The following ERBB4 variants were observed in gnomAD, a reference collection of about 807,000 sequenced individuals.
ERBB4 encodes the protein receptor tyrosine-protein kinase erbB-4.
ERBB4 carries 42 observed loss-of-function variants against 158.0 expected under a neutral mutation model. The ratio of observed to expected loss-of-function variants is 0.27; its 90% CI spans 0.21 to 0.34. ERBB4 has a LOEUF of 0.34. Ranked by LOEUF, ERBB4 falls within the 10% of genes least tolerant of loss-of-function variation. The pLI, the probability that ERBB4 is intolerant of heterozygous loss-of-function variation, is 1.00. For synonymous variants in ERBB4, 583 were observed against 558.7 expected (o/e 1.04, Z -0.61); for missense variants, 1,333 against 1,624.1 (o/e 0.82, Z 3.08).
chr2:211,877,236 T>C (rs1394451366), intron 3 of ERBB4, among the ~76,000 whole-genome samples: 3 of 152,186 alleles, frequency 2.0e-5, no homozygotes, highest in Non-Finnish European at 4.4e-5. Flanking sequence ...CGAGTAGCCT[T>C]ATTGGACTAT....
intron 1 of ERBB4, among the ~76,000 whole-genome samples, chr2:212,523,714 G>A (rs534603292): frequency 1.1e-4 from 17 of 151,958 alleles, no homozygotes; most frequent in Admixed American, 2.0e-4. Context: ...AAGATACTTG[G>A]GCACAGTGTG....
At chr2:211,523,988 C>A (rs567214416) in intron 20 of ERBB4, among the ~76,000 whole-genome samples, 1 of 152,016 alleles carries the variant, frequency 6.6e-6, no homozygotes, top group Non-Finnish European at 1.5e-5. Context: ...AATGTTGACA[C>A]AAAGGTTCTC....
intron 1 of ERBB4, among the ~76,000 whole-genome samples, chr2:212,207,124 C>T (rs564178052): frequency 3.3e-5 from 5 of 152,010 alleles, no homozygotes; most frequent in Non-Finnish European, 7.4e-5. Context: ...GAAAAGCCAT[C>T]TCCTCAAATT....
intron 11 of ERBB4, among the ~76,000 whole-genome samples, chr2:211,703,513 T>C (rs1008539677): frequency 5.3e-5 from 8 of 152,222 alleles, no homozygotes; most frequent in Admixed American, 1.3e-4. Flanking sequence ...CTTTTAATTG[T>C]TCATAAATAA....
intron 19 of ERBB4, among the ~76,000 whole-genome samples, chr2:211,574,122 G>A (rs1216414680): frequency 6.6e-6 from 1 of 152,114 alleles, no homozygotes; most frequent in East Asian, 1.9e-4. Context: ...TAAGCAATAA[G>A]GCATGACTGA....
chr2:212,340,175 A>T (rs2106317186), intron 1 of ERBB4, among the ~76,000 whole-genome samples: 1 of 152,020 alleles, frequency 6.6e-6, no homozygotes, highest in East Asian at 1.9e-4. Context: ...TGCTGGTATT[A>T]TAGTTGAGAG....
chr2:212,028,542 T>C (rs2076827398), intron 2 of ERBB4, among the ~76,000 whole-genome samples: 1 of 152,122 alleles, frequency 6.6e-6, no homozygotes, highest in Non-Finnish European at 1.5e-5. Context: ...ACCAAAGTAC[T>C]TTTGTTTCGT....
intron 3 of ERBB4, among the ~76,000 whole-genome samples, chr2:211,832,230 T>C (rs969587917): frequency 6.6e-6 from 1 of 152,102 alleles, no homozygotes; most frequent in Non-Finnish European, 1.5e-5. Flanking sequence ...AGACTTGACA[T>C]ATAAGCCATG....
chr2:212,051,628 A>C (rs1328825364), intron 2 of ERBB4, among the ~76,000 whole-genome samples: 1 of 152,166 alleles, frequency 6.6e-6, no homozygotes, highest in Non-Finnish European at 1.5e-5. Flanking sequence ...GTAAGTTATC[A>C]CACATAATTT....
intron 1 of ERBB4, among the ~76,000 whole-genome samples, chr2:212,208,953 G>C (rs190303496): frequency 9.2e-4 from 140 of 152,170 alleles, no homozygotes; most frequent in Non-Finnish European, 1.6e-3. Context: ...CTTTTAAACT[G>C]AGAAAAATGC....
At chr2:211,755,452 T>G (rs367703687) in intron 4 of ERBB4, among the ~76,000 whole-genome samples, 1 of 152,156 alleles carries the variant, frequency 6.6e-6, no homozygotes, top group South Asian at 2.1e-4. Context: ...CAGTGAGCCA[T>G]GATTGCTCCA....
chr2:211,856,532 C>A (rs2077868334), intron 3 of ERBB4, among the ~76,000 whole-genome samples: 1 of 150,664 alleles, frequency 6.6e-6, no homozygotes, highest in Non-Finnish European at 1.5e-5. Flanking sequence ...ACTACAGGCA[C>A]CCGCCACCAC....
chr2:211,739,901 A>G (rs1037580315), intron 5 of ERBB4, among the ~76,000 whole-genome samples: 2 of 152,218 alleles, frequency 1.3e-5, no homozygotes, highest in Admixed American at 1.3e-4. Context: ...GGGCATTTCT[A>G]TCTTAGAATG....
At chr2:211,611,794 G>A (rs1196717114) in intron 19 of ERBB4, among the ~76,000 whole-genome samples, 2 of 152,036 alleles carry the variant, frequency 1.3e-5, no homozygotes, top group African/African-American at 4.8e-5. Context: ...AAGTCACCAA[G>A]AACTCAGAAG....
intron 5 of ERBB4, among the ~76,000 whole-genome samples, chr2:211,729,965 C>T (rs550587966): frequency 6.6e-6 from 1 of 151,734 alleles, no homozygotes; most frequent in South Asian, 2.1e-4. Flanking sequence ...TTCTTATATT[C>T]GGGTCAGTAA....
chr2:211,413,304 T>TAAAAAAAAAAAAAAAAA (rs1559142005), intron 25 of ERBB4, among the ~76,000 whole-genome samples: 2 of 41,230 alleles, frequency 4.9e-5, no homozygotes, highest in Admixed American at 2.4e-4. Flanking sequence ...AGACCCTGTC[T>TAAAAAAAAAAAAAAAAA]TAAAAACACA....
chr2:211,411,850 A>C (rs980963586), intron 25 of ERBB4, among the ~76,000 whole-genome samples: 6 of 152,212 alleles, frequency 3.9e-5, no homozygotes, highest in Admixed American at 1.3e-4. Context: ...AAGGCCAAAA[A>C]ATAAAAATTG....
chr2:212,026,039 G>A (rs567485011), intron 2 of ERBB4, among the ~76,000 whole-genome samples: 11 of 151,528 alleles, frequency 7.3e-5, no homozygotes, highest in South Asian at 4.2e-4. Flanking sequence ...TAATAGATGC[G>A]TAAATGCTTT....
intron 1 of ERBB4, among the ~76,000 whole-genome samples, chr2:212,229,944 C>G (rs565876194): frequency 6.6e-6 from 1 of 152,070 alleles, no homozygotes; most frequent in Non-Finnish European, 1.5e-5. Context: ...TGGCCAATAC[C>G]TAAGCAAAAT....
Sources: gnomAD v4.1 joint callset for allele counts (sites outside exome capture counted in the v4.1 genomes callset) on GRCh38, gnomAD v4.1.1 for gene constraint, MANE v1.5 for transcripts, NCBI Gene and HGNC (gene_info 2026-07-23, HGNC 2026-07-21) for gene names.